The following PTPRG variants were observed in gnomAD, a reference collection of about 807,000 sequenced individuals.
PTPRG encodes protein tyrosine phosphatase receptor type G, also known as receptor-type tyrosine-protein phosphatase gamma.
A neutral mutation model predicts 165.3 loss-of-function variants in PTPRG; 102 were observed. That is an observed-to-expected ratio of 0.62 (90% CI 0.53 to 0.73). The LOEUF (loss-of-function observed/expected upper bound fraction) is 0.73. Ranked by LOEUF, PTPRG falls within the 30% of genes least tolerant of loss-of-function variation. The pLI is 0.00. For synonymous variants in PTPRG, 675 were observed against 669.5 expected, an observed-to-expected ratio of 1.01 and a Z score of -0.13; for missense variants, 1,866 against 1,861.4, an observed-to-expected ratio of 1.00 and a Z score of -0.05.
intron 5 of PTPRG, among the ~76,000 whole-genome samples, chr3:62,109,658 C>T (rs1702597215): frequency 6.6e-6 from 1 of 152,152 alleles, no homozygotes; most frequent in Admixed American, 6.6e-5. Context: ...AGAGGTGGGG[C>T]TTTCCCTCCT....
At chr3:62,143,801 G>T (rs1364809964) in intron 6 of PTPRG, among the ~76,000 whole-genome samples, 2 of 152,126 alleles carry the variant, frequency 1.3e-5, no homozygotes, top group African/African-American at 4.8e-5. Flanking sequence ...TTGAATTCTG[G>T]CTCTCCAGTT....
chr3:61,644,941 A>T (rs1702161417), intron 1 of PTPRG, among the ~76,000 whole-genome samples: 1 of 152,218 alleles, frequency 6.6e-6, no homozygotes, highest in Admixed American at 6.5e-5. Flanking sequence ...GCTGCTGGAA[A>T]GTTGTTAGGA....
chr3:62,039,114 TAGTAGGG>T (rs1700043890), intron 4 of PTPRG, among the ~76,000 whole-genome samples: 1 of 152,154 alleles, frequency 6.6e-6, no homozygotes, highest in Admixed American at 6.5e-5. Flanking sequence ...TTTGTATTTT[TAGTAGGG>T]ACGGGGTTTC....
chr3:61,894,303 A>AAG (rs2038294171), intron 2 of PTPRG, among the ~76,000 whole-genome samples: 1 of 14,288 alleles, frequency 7.0e-5, no homozygotes, highest in Non-Finnish European at 1.9e-4. Context: ...CTCTGTGTCA[A>AAG]AAAAAAAAAA....
chr3:62,255,155 T>C lies in PTPRG; in HGVS notation c.2499T>C (p.Phe833=), dbSNP rs1242919892. 3 of 1,613,222 alleles carry C rather than the reference T, an allele frequency of 1.9e-6. No individual in the cohort carries two copies. In the Admixed American group the frequency reaches 5.0e-5, roughly 27 times the overall value. Residue 833 remains phenylalanine, a synonymous_variant, in exon 16 of 30, where the codon TTT becomes TTC. Coordinates refer to ENST00000474889, the MANE Select transcript of PTPRG (RefSeq NM_002841.4). The surrounding 1 kb of genome is among the most constrained non-coding windows in gnomAD (Gnocchi z 4.0). The part of the protein sequence containing the change: ...DDMEAIPVKQ[F]VKHIGELYSN... Reference sequence around the variant, plus strand: ...TGGAAGCCATTCCTGTCAAACAGTTTGTCAAACACATCGGTGAGCTCTATT... The same window carrying C: ...TGGAAGCCATTCCTGTCAAACAGTTCGTCAAACACATCGGTGAGCTCTATT...
chr3:61,753,570 AG>A, intron 2 of PTPRG: 2 of 444,192 alleles, frequency 4.5e-6, no homozygotes, highest in South Asian at 3.2e-5. Context: ...AGTAACTTCA[AG>A]TAGAAATTTG....
At chr3:61,712,658 C>T (rs2031622172) in intron 1 of PTPRG, among the ~76,000 whole-genome samples, 2 of 152,170 alleles carry the variant, frequency 1.3e-5, no homozygotes, top group African/African-American at 2.4e-5. Flanking sequence ...TGTAAGTTTC[C>T]TGAGGCCTCC....
At chr3:61,670,407 C>T (rs1441557577) in intron 1 of PTPRG, among the ~76,000 whole-genome samples, 1 of 152,238 alleles carries the variant, frequency 6.6e-6, no homozygotes, top group African/African-American at 2.4e-5. Context: ...CTGAGTTACT[C>T]TTAAGAGCAC....
intron 14 of PTPRG, among the ~76,000 whole-genome samples, chr3:62,241,466 C>T (rs1452419087): frequency 2.0e-5 from 3 of 152,008 alleles, no homozygotes; most frequent in East Asian, 3.9e-4. Flanking sequence ...GTGTGCTTTT[C>T]GCTGGCAATC....
intron 1 of PTPRG, among the ~76,000 whole-genome samples, chr3:61,674,540 TA>T (rs1703155739): frequency 7.0e-6 from 1 of 143,444 alleles, no homozygotes; most frequent in African/African-American, 2.5e-5. Context: ...AATACTCCAT[TA>T]AAAAAAGGTG....
intron 2 of PTPRG, among the ~76,000 whole-genome samples, chr3:61,905,415 C>T (rs2038617734): frequency 6.6e-6 from 1 of 152,090 alleles, no homozygotes; most frequent in South Asian, 2.1e-4. Context: ...TGGATCACTT[C>T]CCCTTCCATC....
chr3:61,858,086 A>G (rs773229829), intron 2 of PTPRG, among the ~76,000 whole-genome samples: 5 of 152,214 alleles, frequency 3.3e-5, no homozygotes, highest in Non-Finnish European at 5.9e-5. Context: ...GTTTTTTAAA[A>G]GGTAATTTTC....
intron 2 of PTPRG, among the ~76,000 whole-genome samples, chr3:61,832,225 A>G (rs1432880776): frequency 6.6e-6 from 1 of 152,230 alleles, no homozygotes; most frequent in African/African-American, 2.4e-5. Context: ...TCGTTGTGAC[A>G]TGGAGATAGA....
intron 1 of PTPRG, among the ~76,000 whole-genome samples, chr3:61,620,282 A>G (rs1443726344): frequency 6.6e-6 from 1 of 152,186 alleles, no homozygotes; most frequent in Non-Finnish European, 1.5e-5. Context: ...TTGAAATTGC[A>G]GTTTGCCTAT....
Position 61,680,518 on chromosome 3 carries a change from A to C in PTPRG, c.86-68360A>C, listed in dbSNP as rs1339635745. Among the ~76,000 whole-genome samples the C allele has an allele frequency of 4.3e-4, 33 of 77,428 alleles. 1 individual carries two copies. Among genetic ancestry groups the C allele is most frequent in the East Asian group, 5.6e-4 (1 of 1,780 alleles). 50.8% of individuals were successfully genotyped at this position (77,428 alleles called of 152,430 possible). On this transcript the variant is annotated intron_variant, in intron 1 of 29. Coordinates refer to ENST00000474889, the MANE Select transcript of PTPRG (RefSeq NM_002841.4). The stretch of plus-strand genomic sequence containing the variant: ...AGCTTTATGAAAAAAAAAAAAAAAA[A>C]CACAAAAAAACAGCATGGGAGCCTG...
chr3:61,719,436 C>T (rs561871419), intron 1 of PTPRG, among the ~76,000 whole-genome samples: 2 of 152,168 alleles, frequency 1.3e-5, no homozygotes, highest in Admixed American at 1.3e-4. Flanking sequence ...AGGGGATGTG[C>T]CCCTCCTCTC....
At chr3:61,578,200 T>C (rs1031725682) in intron 1 of PTPRG, among the ~76,000 whole-genome samples, 1 of 152,090 alleles carries the variant, frequency 6.6e-6, no homozygotes, top group African/African-American at 2.4e-5. Flanking sequence ...ACCTAGAAAA[T>C]CCAGGAACAA....
Position 62,209,254 on chromosome 3 carries a change from G to A in PTPRG, c.2155+5304G>A, listed in dbSNP as rs150850138. 5.3e-3 allele frequency among the ~76,000 whole-genome samples: 802 copies of A among 152,234 alleles called. 8 individuals carry two copies. The highest frequency in any genetic ancestry group is 0.011 in the Admixed American group (162 of 15,304). Reference sequence around the variant, plus strand: ...GCACTGGGGTGCTACTTGGTGTCTCGTGGGTAGAGGCCAGGCCTGTTGCTA... The same window carrying A: ...GCACTGGGGTGCTACTTGGTGTCTCATGGGTAGAGGCCAGGCCTGTTGCTA... On this transcript the variant is annotated intron_variant, in intron 12 of 29. Transcript: ENST00000474889.
chr3:61,889,435 C>T (rs1028544340), intron 2 of PTPRG, among the ~76,000 whole-genome samples: 1 of 152,182 alleles, frequency 6.6e-6, no homozygotes, highest in Non-Finnish European at 1.5e-5. Flanking sequence ...GTTATATATC[C>T]ATGACCCTAA....
Sources: allele counts gnomAD v4.1 joint callset (sites outside exome capture counted in the v4.1 genomes callset), GRCh38; gene constraint gnomAD v4.1.1; non-coding constraint Gnocchi (gnomAD v3.1); transcripts MANE v1.5; gene names NCBI Gene and HGNC (gene_info 2026-07-23, HGNC 2026-07-21).